MOXD1: variants seen among roughly 807,000 people sequenced by gnomAD.
The protein encoded by MOXD1 is monooxygenase DBH like 1, also known as DBH-like monooxygenase protein 1.
A neutral mutation model predicts 66.6 loss-of-function variants in MOXD1; 62 were observed. The observed-to-expected ratio is 0.93, with a 90% CI of 0.76 to 1.15. The LOEUF is 1.15. Among genes scored for constraint, MOXD1 ranks in the 50% most tolerant of loss-of-function variants. The pLI, the probability that MOXD1 is intolerant of heterozygous loss-of-function variation, is 0.00. For synonymous variants in MOXD1, 303 were observed against 281.9 expected, an observed-to-expected ratio of 1.07 and a Z score of -0.75; for missense variants, 847 against 754.6, an observed-to-expected ratio of 1.12 and a Z score of -1.44.
intron 4 of MOXD1, among the ~76,000 whole-genome samples, chr6:132,359,201 C>T (rs532906374): frequency 7.4e-4 from 112 of 151,504 alleles, no homozygotes; most frequent in Non-Finnish European, 1.4e-3. Flanking sequence ...CTCACTGCAG[C>T]CCCAAACTCC....
chr6:132,320,249 A>G (rs1443543694), intron 9 of MOXD1, among the ~76,000 whole-genome samples: 1 of 152,090 alleles, frequency 6.6e-6, no homozygotes, highest in Non-Finnish European at 1.5e-5. Flanking sequence ...TCTTTGAGTC[A>G]GAGGCCTCAA....
At chr6:132,317,074 A>G (rs1044864886) in intron 9 of MOXD1, among the ~76,000 whole-genome samples, 3 of 152,138 alleles carry the variant, frequency 2.0e-5, no homozygotes, top group African/African-American at 4.8e-5. Context: ...GAACAAGAAT[A>G]CAATTGACAG....
At chr6:132,345,214 A>G (rs896281511) in intron 4 of MOXD1, among the ~76,000 whole-genome samples, 2 of 152,228 alleles carry the variant, frequency 1.3e-5, no homozygotes, top group Non-Finnish European at 2.9e-5. Flanking sequence ...TAAATGTAAA[A>G]GCCTAAAATA....
At chr6:132,322,446 T>C (rs1052003695) in intron 8 of MOXD1, among the ~76,000 whole-genome samples, 6 of 152,218 alleles carry the variant, frequency 3.9e-5, no homozygotes, top group Middle Eastern at 3.2e-3. Context: ...GTTGTTTTTA[T>C]TTTTCAGTCA....
intron 1 of MOXD1, among the ~76,000 whole-genome samples, chr6:132,382,985 G>T (rs1582606685): frequency 2.6e-5 from 4 of 152,232 alleles, no homozygotes; most frequent in African/African-American, 7.2e-5. Context: ...AACTCTTACG[G>T]GTATAATAAA....
At chr6:132,397,079 AC>A (rs919146071) in intron 1 of MOXD1, among the ~76,000 whole-genome samples, 3 of 152,184 alleles carry the variant, frequency 2.0e-5, no homozygotes, top group African/African-American at 7.2e-5. Flanking sequence ...GGGACCTGCC[AC>A]CATGCTGTGA....
At chr6:132,313,984 C>T (rs778490873) in intron 10 of MOXD1, among the ~76,000 whole-genome samples, 3 of 152,086 alleles carry the variant, frequency 2.0e-5, no homozygotes, top group African/African-American at 7.2e-5. Context: ...ATAATTACGT[C>T]AGTCCCTTTC....
At chr6:132,383,965 G>A (rs956087141) in intron 1 of MOXD1, among the ~76,000 whole-genome samples, 50 of 152,134 alleles carry the variant, frequency 3.3e-4, no homozygotes, top group African/African-American at 1.2e-3. Flanking sequence ...AGCTACTCGG[G>A]AGGCTGAGGC....
intron 4 of MOXD1, among the ~76,000 whole-genome samples, chr6:132,356,653 T>A (rs564192256): frequency 1.3e-5 from 2 of 152,288 alleles, no homozygotes; most frequent in African/African-American, 4.8e-5. Context: ...AAAATTATGG[T>A]TTATACATAA....
chr6:132,306,408 G>A (rs566903285), intron 10 of MOXD1, among the ~76,000 whole-genome samples: 3 of 152,146 alleles, frequency 2.0e-5, no homozygotes, highest in African/African-American at 4.8e-5. Flanking sequence ...AGAAGGAGAT[G>A]GGGAAAATGG....
chr6:132,320,599 G>A lies in MOXD1; in HGVS notation c.1365+30C>T, dbSNP rs773880301. On this transcript the variant is annotated intron_variant, in intron 9 of 11. Coordinates refer to ENST00000367963, the MANE Select transcript of MOXD1 (RefSeq NM_015529.4). ...AGTTTATTTCTTTCTCTCCATAAAT[G>A]AACTTTAATAATAATAAAAGTTTTC... 6 of 1,524,946 alleles carry A rather than the reference G, an allele frequency of 3.9e-6. No individual in the cohort carries two copies. The Admixed American group carries it at 1.1e-4, about 29-fold the overall frequency. 94.5% of individuals were successfully genotyped at this position (1,524,946 alleles called of 1,614,324 possible). A position where few individuals can be genotyped will look rare whatever the true frequency, so the allele number is the denominator to read the frequency against.
rs1775561537 is a variant in MOXD1 at position 132,341,469 on chromosome 6, C to CT, written c.664-12876dup. On this transcript the variant is annotated intron_variant, in intron 4 of 11. Coordinates refer to ENST00000367963, the MANE Select transcript of MOXD1 (RefSeq NM_015529.4). ...AGTAACTTGCCTTTTGGAGAACACT[C>CT]TATTTCCCAAGCAGATGATCTTCCC... Among the ~76,000 whole-genome samples the CT allele has an allele frequency of 1.3e-5, 2 of 152,218 alleles. 1 individual carries two copies. Among genetic ancestry groups the CT allele is most frequent in the Admixed American group, 1.3e-4 (2 of 15,282 alleles).
Position 132,401,249 on chromosome 6 carries a change from C to A in MOXD1, c.178G>T (p.Val60Leu), listed in dbSNP as rs1777019910. The A allele has an allele frequency of 2.5e-6, 4 of 1,593,656 alleles. No individual in the cohort carries two copies. The East Asian group carries it at 9.1e-5, about 36-fold the overall frequency. ...FRLQVRTAGY[V>L]GFGFSPTGAM... ...CCGGTGGGCGAGAAGCCGAAGCCCA[C>A]GTAGCCTGCAGTGCGCACCTGGAGG... The change falls in exon 1 of 12, where the codon GTG becomes TTG. Residue 60 changes from valine to leucine, a missense_variant. Coordinates refer to ENST00000367963, the MANE Select transcript of MOXD1 (RefSeq NM_015529.4).
chr6:132,382,036 G>C (rs1776522338), intron 1 of MOXD1, among the ~76,000 whole-genome samples: 5 of 151,944 alleles, frequency 3.3e-5, no homozygotes, highest in Admixed American at 3.3e-4. Context: ...TCCAGGATTT[G>C]AAAAATAAAA....
chr6:132,378,735 C>T (rs1243636613), intron 1 of MOXD1, among the ~76,000 whole-genome samples: 1 of 152,038 alleles, frequency 6.6e-6, no homozygotes, highest in Non-Finnish European at 1.5e-5. Flanking sequence ...GCTTTATAAT[C>T]TACTCATGGG....
At chr6:132,364,984 T>G (rs1776090675) in intron 4 of MOXD1, among the ~76,000 whole-genome samples, 1 of 152,142 alleles carries the variant, frequency 6.6e-6, no homozygotes, top group African/African-American at 2.4e-5. Context: ...ATTTGTGGTT[T>G]CAGAATTTGA....
intron 9 of MOXD1, among the ~76,000 whole-genome samples, chr6:132,317,347 T>C (rs1774981856): frequency 1.3e-5 from 2 of 152,186 alleles, no homozygotes; most frequent in Non-Finnish European, 2.9e-5. Context: ...AAGATGCTGA[T>C]GTGCAAATGA....
At chr6:132,308,214 A>G (rs1774741634) in intron 10 of MOXD1, among the ~76,000 whole-genome samples, 2 of 152,324 alleles carry the variant, frequency 1.3e-5, no homozygotes, top group South Asian at 2.1e-4. Flanking sequence ...CCACAGAAAT[A>G]CAAACTACCA....
At chr6:132,361,094 G>A (rs542067414) in intron 4 of MOXD1, among the ~76,000 whole-genome samples, 1 of 152,272 alleles carries the variant, frequency 6.6e-6, no homozygotes, top group Non-Finnish European at 1.5e-5. Flanking sequence ...TTGGTAATGA[G>A]ATGCATTTTA....
Sources: allele counts gnomAD v4.1 joint callset (sites outside exome capture counted in the v4.1 genomes callset), GRCh38; gene constraint gnomAD v4.1.1; transcripts MANE v1.5; gene names NCBI Gene and HGNC (gene_info 2026-07-23, HGNC 2026-07-21).